Variants in ALPK1 observed in about 807,000 individuals in gnomAD.
ALPK1 encodes the protein alpha-protein kinase 1.
A neutral mutation model predicts 120.6 loss-of-function variants in ALPK1; 110 were observed. That is an observed-to-expected ratio of 0.91 (90% CI 0.78 to 1.07). The LOEUF is 1.07. Among genes scored for constraint, ALPK1 ranks in the 50% least tolerant of loss-of-function variants. ALPK1 has a pLI of 0.00. For missense variants in ALPK1, 1,498 were observed against 1,483.9 expected (o/e 1.01, Z -0.16); for synonymous variants, 582 against 560.3 (o/e 1.04, Z -0.55).
At position 112,425,761 on chromosome 4, in the gene ALPK1, T is replaced by G. The variant is rs751963789; in HGVS notation, c.622+10T>G. The G allele has an allele frequency of 1.2e-6, 2 of 1,605,278 alleles. No individual in the cohort carries two copies. Among genetic ancestry groups the G allele is most frequent in the South Asian group, 2.2e-5 (2 of 89,974 alleles). ...ATTCTGCAAAAGCTGGGTACAATCA[T>G]GTAAAACTTGCATTTCTCAAGGCTC... On this transcript the variant is annotated intron_variant, in intron 7 of 15. Coordinates refer to ENST00000650871, the MANE Select transcript of ALPK1 (RefSeq NM_025144.4).
chr4:112,325,972 C>A (rs544043105), intron 2 of ALPK1, among the ~76,000 whole-genome samples: 2 of 152,134 alleles, frequency 1.3e-5, no homozygotes, highest in Non-Finnish European at 2.9e-5. Flanking sequence ...TACTCAAAGC[C>A]TCCCCTCACA....
intron 11 of ALPK1, among the ~76,000 whole-genome samples, chr4:112,433,994 G>T (rs1163314674): frequency 1.3e-5 from 2 of 152,026 alleles, no homozygotes; most frequent in Non-Finnish European, 2.9e-5. Flanking sequence ...CCAATGTTTT[G>T]CCTGCCACCT....
chr4:112,299,507 TTAAA>T (rs1290219086), intron 1 of ALPK1, among the ~76,000 whole-genome samples: 3 of 152,134 alleles, frequency 2.0e-5, no homozygotes, highest in African/African-American at 7.2e-5. Flanking sequence ...AAGGAAATGA[TTAAA>T]TAAATAATAT....
chr4:112,316,764 T>C (rs369566548), intron 2 of ALPK1, among the ~76,000 whole-genome samples: 15 of 152,194 alleles, frequency 9.9e-5, no homozygotes, highest in African/African-American at 3.1e-4. Flanking sequence ...GCCATTTGTA[T>C]ATCTTCTTTG....
chr4:112,410,518 A>G (rs909005718), intron 4 of ALPK1, among the ~76,000 whole-genome samples: 2 of 152,380 alleles, frequency 1.3e-5, no homozygotes, highest in South Asian at 4.1e-4. Context: ...TGATGAAAGC[A>G]GTACTTTGTG....
At chr4:112,326,171 T>C (rs747005133) in intron 2 of ALPK1, among the ~76,000 whole-genome samples, 13 of 152,182 alleles carry the variant, frequency 8.5e-5, no homozygotes, top group Non-Finnish European at 1.8e-4. Flanking sequence ...CAACATCCCA[T>C]TTTTACATAA....
intron 13 of ALPK1, among the ~76,000 whole-genome samples, chr4:112,439,483 G>A (rs1249371503): frequency 4.6e-5 from 7 of 152,184 alleles, no homozygotes; most frequent in Admixed American, 3.3e-4. Flanking sequence ...CACATGCCGT[G>A]TTAAGCATTT....
chr4:112,421,629 C>T (rs995717018), intron 5 of ALPK1, among the ~76,000 whole-genome samples: 2 of 152,162 alleles, frequency 1.3e-5, no homozygotes, highest in African/African-American at 2.4e-5. Flanking sequence ...ATGGGGGATA[C>T]GTTCCAAGAC....
intron 1 of ALPK1, among the ~76,000 whole-genome samples, chr4:112,306,695 A>C (rs1346739355): frequency 6.6e-6 from 1 of 151,972 alleles, no homozygotes; most frequent in Admixed American, 6.6e-5. Context: ...CTTTTCAAAA[A>C]ACCAGCTCCT....
chr4:112,317,310 C>T (rs772552904), intron 2 of ALPK1, among the ~76,000 whole-genome samples: 5 of 152,056 alleles, frequency 3.3e-5, no homozygotes, highest in Non-Finnish European at 5.9e-5. Context: ...AAAAAATCAC[C>T]AAACCCTACT....
At chr4:112,420,741 T>TCTCTTTGAG (rs1179604569) in intron 5 of ALPK1, among the ~76,000 whole-genome samples, 3 of 152,238 alleles carry the variant, frequency 2.0e-5, no homozygotes, top group African/African-American at 7.2e-5. Context: ...GCTCACTTTT[T>TCTCTTTGAG]CTCTTTGAGA....
At chr4:112,354,197 G>T (rs1224290989) in intron 2 of ALPK1, among the ~76,000 whole-genome samples, 1 of 150,376 alleles carries the variant, frequency 6.6e-6, no homozygotes, top group East Asian at 2.0e-4. Flanking sequence ...CTAATCAGAA[G>T]TTTATCCTTA....
chr4:112,380,944 C>T (rs982632474), intron 3 of ALPK1, among the ~76,000 whole-genome samples: 6 of 152,158 alleles, frequency 3.9e-5, no homozygotes, highest in South Asian at 2.1e-4. Flanking sequence ...TGTGAGGTCA[C>T]GGTGGATTGA....
At chr4:112,323,904 C>T (rs1392963957) in intron 2 of ALPK1, among the ~76,000 whole-genome samples, 1 of 152,214 alleles carries the variant, frequency 6.6e-6, no homozygotes, top group Non-Finnish European at 1.5e-5. Flanking sequence ...CTGACATCTG[C>T]TCCTCATGTC....
intron 2 of ALPK1, among the ~76,000 whole-genome samples, chr4:112,353,605 C>T (rs1231875405): frequency 6.6e-6 from 1 of 152,006 alleles, no homozygotes; most frequent in Non-Finnish European, 1.5e-5. Context: ...TGGTAGCTTA[C>T]ACCTGTAATC....
chr4:112,407,273 G>T (rs1333712860), intron 4 of ALPK1, among the ~76,000 whole-genome samples: 1 of 152,188 alleles, frequency 6.6e-6, no homozygotes, highest in Non-Finnish European at 1.5e-5. Context: ...AATGCATACT[G>T]AAAAAGGTCA....
At chr4:112,424,112 A>T (rs1288450877) in intron 6 of ALPK1, 109 bp downstream of exon 6, 1 of 1,072,254 alleles carries the variant, frequency 9.3e-7, no homozygotes, top group East Asian at 2.5e-5. Flanking sequence ...ATGTTTCCAG[A>T]GCTATCTGGG....
intron 1 of ALPK1, among the ~76,000 whole-genome samples, chr4:112,305,130 C>A (rs1226828867): frequency 2.0e-5 from 3 of 152,064 alleles, no homozygotes; most frequent in Non-Finnish European, 4.4e-5. Context: ...GGTACCAGTA[C>A]CATGCTGTTT....
intron 2 of ALPK1, among the ~76,000 whole-genome samples, chr4:112,330,935 C>G (rs1729342215): frequency 1.3e-5 from 2 of 152,290 alleles, no homozygotes; most frequent in East Asian, 1.9e-4. Flanking sequence ...AAACCTACAT[C>G]CAGAACACAT....
Sources: allele counts gnomAD v4.1 joint callset (sites outside exome capture counted in the v4.1 genomes callset), GRCh38; gene constraint gnomAD v4.1.1; transcripts MANE v1.5; gene names NCBI Gene and HGNC (gene_info 2026-07-23, HGNC 2026-07-21).